The following SGSM1 variants were observed in gnomAD, a reference collection of about 807,000 sequenced individuals.
SGSM1 encodes the protein RUN and TBC1 domain containing 2.
Under a neutral mutation model 133.8 loss-of-function variants are expected in SGSM1, and 73 were observed. The observed-to-expected ratio is 0.55, with a 90% confidence interval of 0.45 to 0.66. The LOEUF is 0.66. Ranked by LOEUF, SGSM1 falls within the 30% of genes least tolerant of loss-of-function variation. The pLI is 0.00. For missense variants in SGSM1, 1,213 were observed against 1,448.1 expected (o/e 0.84, Z 2.64); for synonymous variants, 563 against 573.0 (o/e 0.98, Z 0.25).
chr22:24,862,529 C>T (rs1427235864), intron 9 of SGSM1, among the ~76,000 whole-genome samples: 2 of 152,282 alleles, frequency 1.3e-5, no homozygotes, highest in African/African-American at 4.8e-5. Context: ...CCAGCACCTG[C>T]CACAGGTTGT....
chr22:24,889,840 G>A lies in SGSM1; in HGVS notation c.1770+3112G>A, dbSNP rs185968092. Among the ~76,000 whole-genome samples the A allele has an allele frequency of 4.0e-3, 556 of 140,098 alleles. 5 individuals are homozygous for A. The highest frequency in any genetic ancestry group is 0.014 in the African/African-American group (530 of 37,528). 91.9% of individuals were successfully genotyped at this position (140,098 alleles called of 152,430 possible). On this transcript the variant is annotated intron_variant, in intron 16 of 24. Coordinates refer to ENST00000400358, the MANE Select transcript of SGSM1 (RefSeq NM_001098497.3). ...AATTTTTTGTATTTTTAGTAGAGAC[G>A]AGGTTTCACCGTGTTGGCCGGGCTG...
rs947758365 is a variant in SGSM1 at position 24,927,481 on chromosome 22, A to C, written c.*3207A>C. 3 of 152,240 alleles carry C rather than the reference A, an allele frequency of 2.0e-5. No homozygotes were observed. The highest frequency in any genetic ancestry group is 7.2e-5 in the African/African-American group (3 of 41,426). The allele number at this position is 152,240 out of a possible 1,614,324, so 9.4% of individuals were successfully genotyped here. A position where few individuals can be genotyped will look rare whatever the true frequency, so the allele number is the denominator to read the frequency against. On this transcript the variant is annotated 3_prime_UTR_variant, in exon 25 of 25. Coordinates refer to ENST00000400358, the MANE Select transcript of SGSM1 (RefSeq NM_001098497.3). ...GAGAATCTTTGGAAAGTGACACTGA[A>C]AAGGAGCATGGGCCAGGCACAGTGG...
chr22:24,893,051 CAAGA>C (rs1187303596), intron 16 of SGSM1, among the ~76,000 whole-genome samples: 1 of 129,784 alleles, frequency 7.7e-6, no homozygotes, highest in Non-Finnish European at 1.6e-5. Context: ...CATACTCTGT[CAAGA>C]AAGAAAGGAA....
chr22:24,851,436 G>GGA (rs1555925271), intron 5 of SGSM1, among the ~76,000 whole-genome samples: 5 of 63,596 alleles, frequency 7.9e-5, no homozygotes, highest in African/African-American at 3.8e-4. Context: ...CAGGAAGGGA[G>GGA]GGGGGGGTGG....
intron 20 of SGSM1, 125 bp downstream of exon 20, chr22:24,902,082 T>C: frequency 1.0e-6 from 1 of 991,948 alleles, no homozygotes; most frequent in Non-Finnish European, 1.5e-6. Flanking sequence ...CCTGGAATCT[T>C]ACTTAGCCCA....
At chr22:24,841,066 G>A (rs561950076) in intron 2 of SGSM1, among the ~76,000 whole-genome samples, 2 of 151,902 alleles carry the variant, frequency 1.3e-5, no homozygotes, top group South Asian at 2.1e-4. Context: ...TAGCCAAGAT[G>A]GTCTCGATCT....
At chr22:24,860,915 AAAAAAAAATATATATATATAT>A (rs1271188310) in intron 9 of SGSM1, among the ~76,000 whole-genome samples, 1 of 109,498 alleles carries the variant, frequency 9.1e-6, no homozygotes, top group African/African-American at 4.5e-5. Context: ...AAAAAAAAAA[AAAAAAAAATATATATATATAT>A]ATATATATAT....
Position 24,907,027 on chromosome 22 carries a change from C to T in SGSM1, c.2818+1840C>T, listed in dbSNP as rs144212093. Among the ~76,000 whole-genome samples, 478 of 147,604 alleles carry T rather than the reference C, an allele frequency of 3.2e-3. 1 individual carries two copies. The highest frequency in any genetic ancestry group is 5.0e-3 in the Non-Finnish European group (336 of 66,746). The stretch of plus-strand genomic sequence containing the variant: ...TGTAATCCCATCACTTTGGGAGCCT[C>T]GGTGGGTGGATCACCTGAGGTCAGG... On this transcript the variant is annotated intron_variant, in intron 21 of 24. Transcript: ENST00000400358.
intron 8 of SGSM1, among the ~76,000 whole-genome samples, chr22:24,856,646 C>T (rs1601927465): frequency 6.6e-6 from 1 of 152,230 alleles, no homozygotes; most frequent in East Asian, 1.9e-4. Flanking sequence ...CAGTTTTAAT[C>T]ACTGACTGAC....
In SGSM1 at chr22:24,841,034, T is replaced by C. The variant is rs566536921; in HGVS notation, c.64-3863T>C. 4.6e-3 allele frequency among the ~76,000 whole-genome samples: 701 copies of C among 152,174 alleles called. 2 individuals are homozygous for C. Among genetic ancestry groups the C allele is most frequent in the South Asian group, 0.027 (129 of 4,824 alleles). ...CCCGGCTAATTTTTTGTATTTTTAG[T>C]AGAGACGGGGTTTCACCGTGTTAGC... On this transcript the variant is annotated intron_variant, in intron 2 of 24. Transcript: ENST00000400358.
intron 8 of SGSM1, chr22:24,856,019 A>C: frequency 2.3e-6 from 1 of 430,810 alleles, no homozygotes. Context: ...ACATCTATCC[A>C]TCCATCCATC....
At chr22:24,874,819 G>A (rs374225337) in intron 12 of SGSM1, among the ~76,000 whole-genome samples, 1 of 152,236 alleles carries the variant, frequency 6.6e-6, no homozygotes. Flanking sequence ...GGCTGAGATG[G>A]AGGAAGGCAT....
rs1425911810 is a variant in SGSM1, at chr22:24,806,485, G to C, written c.63+1G>C. The C allele has an allele frequency of 6.6e-7, 1 of 1,512,948 alleles. No homozygotes were observed. The highest frequency in any genetic ancestry group is 8.8e-7 in the Non-Finnish European group (1 of 1,131,150). The allele number at this position is 1,512,948 out of a possible 1,614,324, so 93.7% of individuals were successfully genotyped here. ...GCTGCTACGCACCGTCAAGAAGGAG[G>C]TGGGTGCCGGGGTGGGGGCACTGGG... On this transcript the variant is annotated splice_donor_variant, in intron 2 of 24. Coordinates refer to ENST00000400358, the MANE Select transcript of SGSM1 (RefSeq NM_001098497.3). LOFTEE classifies it high-confidence loss of function.
chr22:24,856,768 CT>C (rs113036395), intron 8 of SGSM1, among the ~76,000 whole-genome samples: 2,896 of 139,316 alleles, frequency 0.021, 81 homozygotes, highest in African/African-American at 0.066. Context: ...AGTTTCTTTT[CT>C]TTTTTTTTTT....
chr22:24,822,413 C>G (rs577862086), intron 2 of SGSM1, among the ~76,000 whole-genome samples: 1 of 152,020 alleles, frequency 6.6e-6, no homozygotes, highest in Non-Finnish European at 1.5e-5. Context: ...TTCTTTCCAA[C>G]CCCTGGCAGC....
intron 2 of SGSM1, among the ~76,000 whole-genome samples, chr22:24,827,107 G>C (rs1348049228): frequency 6.6e-6 from 1 of 152,116 alleles, no homozygotes; most frequent in African/African-American, 2.4e-5. Flanking sequence ...CTCATCTGGG[G>C]TTCAGAGGAG....
Position 24,886,692 on chromosome 22 carries a change from C to T in SGSM1, c.1734C>T (p.His578=), listed in dbSNP as rs1430435771. Residue 578 remains histidine, a synonymous_variant, in exon 16 of 25, where the codon CAC becomes CAT. Coordinates refer to ENST00000400358, the MANE Select transcript of SGSM1 (RefSeq NM_001098497.3). The part of the protein sequence containing the change: ...RKAVWPFLLG[H]YQFGMTETER... ...CCGTGTGGCCCTTCCTCCTGGGCCA[C>T]TACCAGTTCGGGATGACGGAAACAG... 2 of 1,579,492 alleles carry T rather than the reference C, an allele frequency of 1.3e-6. No individual in the cohort carries two copies. Among genetic ancestry groups the T allele is most frequent in the Non-Finnish European group, 1.7e-6 (2 of 1,163,228 alleles).
intron 2 of SGSM1, among the ~76,000 whole-genome samples, chr22:24,843,004 A>C (rs934223177): frequency 6.6e-6 from 1 of 152,102 alleles, no homozygotes; most frequent in East Asian, 1.9e-4. Context: ...GGAGGAGCCA[A>C]GGTACAGCAG....
intron 2 of SGSM1, among the ~76,000 whole-genome samples, chr22:24,808,871 C>G (rs1174801748): frequency 6.6e-6 from 1 of 152,186 alleles, no homozygotes; most frequent in Non-Finnish European, 1.5e-5. Flanking sequence ...AGAGTTGGGA[C>G]TTACCCCCCA....
Sources: gnomAD v4.1 joint callset for allele counts (sites outside exome capture counted in the v4.1 genomes callset) on GRCh38, gnomAD v4.1.1 for gene constraint, MANE v1.5 for transcripts, NCBI Gene and HGNC (gene_info 2026-07-23, HGNC 2026-07-21) for gene names.